The following RHOT1 variants were observed in gnomAD, a reference collection of about 807,000 sequenced individuals.
RHOT1 encodes ras homolog family member T1, also known as mitochondrial Rho GTPase 1.
RHOT1 carries 27 observed loss-of-function variants against 95.3 expected under a neutral mutation model. The ratio of observed to expected loss-of-function variants is 0.28; its 90% confidence interval spans 0.21 to 0.39. The LOEUF (loss-of-function observed/expected upper bound fraction) is 0.39, where lower values mean the gene tolerates loss of function less well. Among genes scored for constraint, RHOT1 ranks in the 10% least tolerant of loss-of-function variants. The probability of loss-of-function intolerance (pLI) is 1.00; values close to 1 mark genes in which losing one functional copy is unlikely to be tolerated. For missense variants in RHOT1, 578 were observed against 786.7 expected, an observed-to-expected ratio of 0.73 and a Z score of 3.17; for synonymous variants, 227 against 263.5, an observed-to-expected ratio of 0.86 and a Z score of 1.34.
At chr17:32,180,795 A>G (rs533076356) in intron 6 of RHOT1, among the ~76,000 whole-genome samples, 17 of 151,618 alleles carry the variant, frequency 1.1e-4, no homozygotes, top group African/African-American at 3.6e-4. Flanking sequence ...TGGCTTTACC[A>G]TGACAGCTTC....
At chr17:32,204,636 A>T (rs574862690) in intron 16 of RHOT1, among the ~76,000 whole-genome samples, 70 of 126,416 alleles carry the variant, frequency 5.5e-4, no homozygotes, top group African/African-American at 2.7e-3. Context: ...TAAAAAAATT[A>T]AAAAAAAAAT....
At chr17:32,220,702 G>A (rs1294556219) in intron 19 of RHOT1, among the ~76,000 whole-genome samples, 2 of 151,796 alleles carry the variant, frequency 1.3e-5, no homozygotes, top group East Asian at 3.9e-4. Flanking sequence ...TGGGCATGGT[G>A]GTGCACGCCT....
At position 32,202,833 on chromosome 17, in the gene RHOT1, A is replaced by T; in HGVS notation, c.1265A>T (p.Asn422Ile). 1 of 1,612,570 alleles carries T rather than the reference A, an allele frequency of 6.2e-7. No individual in the cohort carries two copies. Among genetic ancestry groups the T allele is most frequent in the South Asian group, 1.1e-5 (1 of 90,964 alleles). Residue 422 changes from asparagine to isoleucine, a missense_variant, in exon 15 of 20, where the codon AAT becomes ATT. Asn to Ile is a moderately radical substitution (Grantham distance 149). Transcript: ENST00000545287. ...ACTCAAAGAAATGTGTTCAGATGTAATGTAATTGGAGTGAAAAACTGTGGG... is the reference window on the plus strand; with the variant it reads ...ACTCAAAGAAATGTGTTCAGATGTATTGTAATTGGAGTGAAAAACTGTGGG... ...KQTQRNVFRCNVIGVKNCGKS... is the reference protein window; with the variant it reads ...KQTQRNVFRCIVIGVKNCGKS...
At chr17:32,192,521 T>G (rs1012139571) in intron 9 of RHOT1, among the ~76,000 whole-genome samples, 5 of 151,950 alleles carry the variant, frequency 3.3e-5, no homozygotes, top group Non-Finnish European at 7.4e-5. Context: ...ATAAAGTGGG[T>G]GTGTTAAGGA....
chr17:32,159,554 A>G (rs772875077), intron 1 of RHOT1: 4 of 152,210 alleles, frequency 2.6e-5, no homozygotes, highest in Non-Finnish European at 4.4e-5. Flanking sequence ...GGGCTTGGAG[A>G]TGTCTGCTCC....
At chr17:32,195,122 G>T (rs1470816345) in intron 11 of RHOT1, among the ~76,000 whole-genome samples, 2 of 151,024 alleles carry the variant, frequency 1.3e-5, no homozygotes, top group Non-Finnish European at 2.9e-5. Flanking sequence ...ACTGCACCCG[G>T]CCTTTTTTTT....
intron 13 of RHOT1, 120 bp downstream of exon 13, chr17:32,199,670 C>G (rs756275152): frequency 1.1e-4 from 82 of 741,542 alleles, no homozygotes; most frequent in Non-Finnish European, 1.4e-4. Context: ...ATAATTGCCT[C>G]TAAGCAAGAT....
intron 11 of RHOT1, among the ~76,000 whole-genome samples, chr17:32,195,859 A>T (rs2036844660): frequency 6.6e-6 from 1 of 152,174 alleles, no homozygotes; most frequent in Non-Finnish European, 1.5e-5. Flanking sequence ...GGACTCTCTC[A>T]TAAGGTTTTC....
chr17:32,175,129 T>C (rs1421832641), intron 3 of RHOT1, among the ~76,000 whole-genome samples, 190 bp from the exon 4 acceptor site: 1 of 152,232 alleles, frequency 6.6e-6, no homozygotes, highest in Non-Finnish European at 1.5e-5. Context: ...GTTATCCTTT[T>C]ATAGACTCGT....
intron 1 of RHOT1, among the ~76,000 whole-genome samples, chr17:32,165,705 T>G (rs1209708068): frequency 6.6e-6 from 1 of 152,160 alleles, no homozygotes; most frequent in Non-Finnish European, 1.5e-5. Flanking sequence ...TTTTTAGAAG[T>G]AAAATGGAAC....
intron 1 of RHOT1, 74 bp from the exon 2 acceptor site, chr17:32,170,969 C>A: frequency 1.1e-6 from 1 of 931,472 alleles, no homozygotes; most frequent in Non-Finnish European, 1.7e-6. Context: ...TAACAGACTG[C>A]CTTATGTGGT....
chr17:32,142,929 C>G lies in RHOT1; in HGVS notation c.37+200C>G, dbSNP rs2030606053. On this transcript the variant is annotated intron_variant, in intron 1 of 19. Transcript: ENST00000545287. ...CTTTTGGCTGGCCGCCGGCGGCCCT[C>G]ACCCTGTCACCTCACCTGGGCCCTC... is the stretch of plus-strand genomic sequence containing the variant. 3 of 717,342 alleles carry G rather than the reference C, an allele frequency of 4.2e-6. No homozygotes were observed. In the African/African-American group the frequency reaches 5.2e-5, roughly 13 times the overall value. The allele number at this position is 717,342 out of a possible 1,614,324, so 44.4% of individuals were successfully genotyped here. A position where few individuals can be genotyped will look rare whatever the true frequency, so the allele number is the denominator to read the frequency against.
intron 1 of RHOT1, among the ~76,000 whole-genome samples, chr17:32,165,595 G>A (rs2034003404): frequency 6.6e-6 from 1 of 151,602 alleles, no homozygotes; most frequent in Admixed American, 6.6e-5. Flanking sequence ...AACCACTTTA[G>A]TATAATATAT....
intron 1 of RHOT1, among the ~76,000 whole-genome samples, chr17:32,148,664 C>T (rs2031757634): frequency 6.6e-6 from 1 of 152,174 alleles, no homozygotes; most frequent in Non-Finnish European, 1.5e-5. Context: ...TACCTTCCTC[C>T]CCCTAGTGTA....
rs1434676172 is a variant in RHOT1, at chr17:32,158,322, T to C, written c.38-12721T>C. ...GCGTAAGTTAATACCCTGCATGTTC[T>C]AGTGTTTTCCCTAGTTTGTTATAGG... On this transcript the variant is annotated intron_variant, in intron 1 of 19. Coordinates refer to ENST00000545287, the MANE Select transcript of RHOT1 (RefSeq NM_001033566.3). 2.0e-5 allele frequency among the ~76,000 whole-genome samples: 3 copies of C among 152,222 alleles called. No homozygotes were observed. In the East Asian group the frequency reaches 5.8e-4, roughly 29 times the overall value.
chr17:32,169,019 T>C (rs2034346583), intron 1 of RHOT1, among the ~76,000 whole-genome samples: 1 of 152,202 alleles, frequency 6.6e-6, no homozygotes, highest in Admixed American at 6.5e-5. Context: ...CACAAGTCAA[T>C]TGAAAAGGCC....
chr17:32,159,933 G>A (rs1367773137), intron 1 of RHOT1: 1 of 152,384 alleles, frequency 6.6e-6, no homozygotes, highest in Non-Finnish European at 1.5e-5. Context: ...CCGCAGACCA[G>A]TGTGGGAACT....
intron 6 of RHOT1, among the ~76,000 whole-genome samples, chr17:32,180,748 A>G (rs1266100748): frequency 6.6e-6 from 1 of 150,678 alleles, no homozygotes; most frequent in Non-Finnish European, 1.5e-5. Flanking sequence ...CTATCAATCT[A>G]TCAAGCACCA....
At chr17:32,172,855 A>G (rs1040109478) in intron 2 of RHOT1, 8 of 152,272 alleles carry the variant, frequency 5.3e-5, no homozygotes, top group Non-Finnish European at 2.9e-5. Flanking sequence ...TGAATGAAAA[A>G]CAAGCAAACA....
Sources: allele counts gnomAD v4.1 joint callset (sites outside exome capture counted in the v4.1 genomes callset), GRCh38; gene constraint gnomAD v4.1.1; transcripts MANE v1.5; gene names NCBI Gene and HGNC (gene_info 2026-07-23, HGNC 2026-07-21).